TAF15: variants seen among roughly 807,000 people sequenced by gnomAD.
TAF15 encodes TATA-box binding protein associated factor 15.
TAF15 carries 37 observed loss-of-function variants against 102.5 expected under a neutral mutation model. The observed-to-expected ratio is 0.36, with a 90% confidence interval of 0.28 to 0.47. The LOEUF is 0.47. Ranked by LOEUF, TAF15 falls within the 20% of genes least tolerant of loss-of-function variation. The probability of loss-of-function intolerance (pLI) is 0.99; values close to 1 mark genes in which losing one functional copy is unlikely to be tolerated. For missense variants in TAF15, 652 were observed against 760.7 expected, an observed-to-expected ratio of 0.86 and a Z score of 1.68; for synonymous variants, 273 against 259.2, an observed-to-expected ratio of 1.05 and a Z score of -0.51.
intron 7 of TAF15, among the ~76,000 whole-genome samples, chr17:35,831,568 G>T (rs928635273): frequency 6.6e-6 from 1 of 151,992 alleles, no homozygotes; most frequent in African/African-American, 2.4e-5. Context: ...GAAATTATAG[G>T]AACTAGCTAT....
intron 11 of TAF15, among the ~76,000 whole-genome samples, chr17:35,840,768 G>A (rs926019357): frequency 6.6e-6 from 1 of 151,952 alleles, no homozygotes; most frequent in Non-Finnish European, 1.5e-5. Context: ...GGAGGCTGAG[G>A]CAGGAGACTT....
chr17:35,836,283 T>C (rs2087473868), intron 10 of TAF15, 42 bp downstream of exon 10: 1 of 1,366,886 alleles, frequency 7.3e-7, no homozygotes, highest in Non-Finnish European at 1.0e-6. Flanking sequence ...ATAATTAATG[T>C]TCTGATTACA....
chr17:35,834,740 CTTTT>C (rs533058888), intron 9 of TAF15, 142 bp downstream of exon 9: 1,152 of 234,296 alleles, frequency 4.9e-3, no homozygotes, highest in Middle Eastern at 7.4e-3. Context: ...AGCTTTATTT[CTTTT>C]TTTTTTTTTT....
At chr17:35,827,352 AT>A in intron 7 of TAF15, among the ~76,000 whole-genome samples, 1 of 151,340 alleles carries the variant, frequency 6.6e-6, no homozygotes, top group African/African-American at 2.4e-5. Flanking sequence ...AAAAAAAAAA[AT>A]AGTTCTTTTG....
intron 1 of TAF15, among the ~76,000 whole-genome samples, chr17:35,813,398 C>T (rs1382038813): frequency 6.6e-6 from 1 of 152,072 alleles, no homozygotes; most frequent in African/African-American, 2.4e-5. Context: ...CTTTAAGAGG[C>T]TGAGGTGGGT....
intron 7 of TAF15, among the ~76,000 whole-genome samples, chr17:35,829,255 A>G (rs777465865): frequency 3.9e-5 from 6 of 151,992 alleles, no homozygotes; most frequent in Non-Finnish European, 8.8e-5. Flanking sequence ...AGATTCCTGC[A>G]TTGTCCTTTT....
chr17:35,828,110 C>A (rs1023030997), intron 7 of TAF15, among the ~76,000 whole-genome samples: 12 of 152,130 alleles, frequency 7.9e-5, no homozygotes, highest in Non-Finnish European at 1.3e-4. Context: ...AATTTAGTAG[C>A]TGTTTCAGGC....
chr17:35,810,598 T>C (rs1049151573), intron 1 of TAF15: 1 of 152,246 alleles, frequency 6.6e-6, no homozygotes, highest in Non-Finnish European at 1.5e-5. Flanking sequence ...ATACCAGTTT[T>C]CTGCTGGAAA....
intron 1 of TAF15, chr17:35,811,379 T>C (rs1300070057): frequency 6.6e-6 from 1 of 152,234 alleles, no homozygotes; most frequent in Non-Finnish European, 1.5e-5. Flanking sequence ...AATTGGCTTT[T>C]CGGTGTGTGA....
At position 35,842,389 on chromosome 17, in the gene TAF15, C is replaced by T. The variant is rs2087558667; in HGVS notation, c.936C>T (p.Ile312=). 4 of 1,613,978 alleles carry T rather than the reference C, an allele frequency of 2.5e-6. No individual in the cohort carries two copies. Among genetic ancestry groups the T allele is most frequent in the Non-Finnish European group, 3.4e-6 (4 of 1,179,874 alleles). Residue 312 remains isoleucine (I), a synonymous_variant, in exon 12 of 16, where the codon ATC becomes ATT. Transcript: ENST00000605844. ...WFDGKEFHGN[I]IKVSFATRRP... The stretch of plus-strand genomic sequence containing the variant: ...TAGGAAAAGAATTCCATGGCAACAT[C>T]ATTAAAGTGTCCTTTGCCACTAGAA...
chr17:35,819,942 A>C, intron 2 of TAF15, 82 bp from the exon 3 acceptor site: 1 of 1,235,380 alleles, frequency 8.1e-7, no homozygotes. Context: ...TTGAGTTGAA[A>C]GTTGAAAATG....
chr17:35,840,547 G>C (rs937490861), intron 11 of TAF15, among the ~76,000 whole-genome samples: 3 of 150,770 alleles, frequency 2.0e-5, no homozygotes, highest in Non-Finnish European at 4.4e-5. Flanking sequence ...CCACCGCACT[G>C]GGCCAGCTCT....
chr17:35,838,629 G>C, intron 11 of TAF15, 76 bp downstream of exon 11: 1 of 1,600,844 alleles, frequency 6.2e-7, no homozygotes, highest in Non-Finnish European at 8.5e-7. Context: ...ATATGCTCTG[G>C]GTGACAGTGA....
intron 5 of TAF15, 65 bp downstream of exon 5, chr17:35,820,502 T>A: frequency 6.8e-7 from 1 of 1,477,476 alleles, no homozygotes; most frequent in Non-Finnish European, 9.4e-7. Flanking sequence ...ATTAAACAGA[T>A]TTAACCAACA....
At chr17:35,813,438 A>G (rs2087151160) in intron 1 of TAF15, among the ~76,000 whole-genome samples, 1 of 152,106 alleles carries the variant, frequency 6.6e-6, no homozygotes, top group South Asian at 2.1e-4. Context: ...GTTTGAAAAC[A>G]GCCTGGGCAA....
rs112407824 is a variant in TAF15 at position 35,834,537 on chromosome 17, T to C, written c.641-29T>C. The C allele has an allele frequency of 1.5e-3, 2,409 of 1,610,830 alleles. 51 individuals carry two copies. In the African/African-American group the frequency reaches 0.029, roughly 19 times the overall value. On this transcript the variant is annotated intron_variant, in intron 8 of 15. Transcript: ENST00000605844. ...ATGATTTTAAATAAATTGCCTTAAA[T>C]AGCTCTTTTTTCTTTTCTTTTCCCT...
intron 5 of TAF15, among the ~76,000 whole-genome samples, chr17:35,822,058 T>C (rs1484566693): frequency 6.6e-6 from 1 of 151,748 alleles, no homozygotes; most frequent in Non-Finnish European, 1.5e-5. Flanking sequence ...TTCATAGAGA[T>C]AGGCCAGGCT....
intron 12 of TAF15, 122 bp downstream of exon 12, chr17:35,842,581 AT>A: frequency 1.3e-6 from 1 of 758,976 alleles, no homozygotes; most frequent in Non-Finnish European, 2.3e-6. Flanking sequence ...TTTTCCCTCT[AT>A]CTTAAAATGA....
At chr17:35,830,650 GAA>G (rs1159834331) in intron 7 of TAF15, among the ~76,000 whole-genome samples, 3 of 152,166 alleles carry the variant, frequency 2.0e-5, no homozygotes, top group African/African-American at 7.2e-5. Flanking sequence ...TTTCTAATAA[GAA>G]GAGAGAAAAT....
Sources: allele counts gnomAD v4.1 joint callset (sites outside exome capture counted in the v4.1 genomes callset), GRCh38; gene constraint gnomAD v4.1.1; transcripts MANE v1.5; gene names NCBI Gene and HGNC (gene_info 2026-07-23, HGNC 2026-07-21).